Variants in MITF observed in about 807,000 individuals in gnomAD.
MITF encodes microphthalmia-associated transcription factor.
A neutral mutation model predicts 60.5 loss-of-function variants in MITF; 17 were observed. The observed-to-expected ratio is 0.28, with a 90% CI of 0.19 to 0.42. The LOEUF (loss-of-function observed/expected upper bound fraction) is 0.42, where lower values mean the gene tolerates loss of function less well. MITF is among the 10% of genes least tolerant of loss of function. The pLI, the probability that MITF is intolerant of heterozygous loss-of-function variation, is 1.00. For synonymous variants in MITF, 260 were observed against 248.5 expected (o/e 1.05, Z -0.43); for missense variants, 622 against 683.5 (o/e 0.91, Z 1.00).
At position 69,787,033 on chromosome 3, in the gene MITF, C is replaced by T. The variant is rs115130558; in HGVS notation, c.104+47332C>T. Among the ~76,000 whole-genome samples, 1,460 of 152,188 alleles carry T rather than the reference C, an allele frequency of 9.6e-3. 18 individuals carry two copies. Among genetic ancestry groups the T allele is most frequent in the African/African-American group, 0.033 (1,376 of 41,506 alleles). ...CCACTTCGTGATGATAAGATGTCTG[C>T]CAAATACTCCTGGGGCTGCTTATTC... On this transcript the variant is annotated intron_variant, in intron 1 of 9. Coordinates refer to ENST00000352241, the MANE Select transcript of MITF (RefSeq NM_001354604.2).
intron 1 of MITF, among the ~76,000 whole-genome samples, chr3:69,769,305 G>A (rs1246503215): frequency 6.6e-6 from 1 of 151,970 alleles, no homozygotes; most frequent in Non-Finnish European, 1.5e-5. Flanking sequence ...CACACATAGG[G>A]TTTTCATCTT....
At chr3:69,788,106 G>A (rs1354821754) in intron 1 of MITF, among the ~76,000 whole-genome samples, 3 of 150,388 alleles carry the variant, frequency 2.0e-5, no homozygotes, top group Non-Finnish European at 4.5e-5. Flanking sequence ...TCTGGGACCT[G>A]TCTTCTTAAC....
intron 1 of MITF, among the ~76,000 whole-genome samples, chr3:69,749,281 T>A (rs941786457): frequency 3.3e-5 from 5 of 152,228 alleles, no homozygotes; most frequent in African/African-American, 1.2e-4. Flanking sequence ...GGTCAAATTG[T>A]AACATTCCCT....
chr3:69,931,388 G>A (rs747719585), intron 2 of MITF, among the ~76,000 whole-genome samples: 20 of 151,938 alleles, frequency 1.3e-4, no homozygotes, highest in Non-Finnish European at 2.1e-4. Flanking sequence ...TATATATTAG[G>A]GATTTTCTTA....
chr3:69,892,373 A>G (rs1230349106), intron 2 of MITF, among the ~76,000 whole-genome samples: 1 of 152,238 alleles, frequency 6.6e-6, no homozygotes, highest in Non-Finnish European at 1.5e-5. Flanking sequence ...GCCCATGCAT[A>G]TTCACAGCTT....
chr3:69,777,689 C>G (rs1303424149), intron 1 of MITF, among the ~76,000 whole-genome samples: 2 of 152,076 alleles, frequency 1.3e-5, no homozygotes, highest in Non-Finnish European at 2.9e-5. Flanking sequence ...ATTATATGAT[C>G]TAGAAGGACA....
chr3:69,819,780 GGT>G (rs1276848973), intron 1 of MITF, among the ~76,000 whole-genome samples: 1 of 152,050 alleles, frequency 6.6e-6, no homozygotes, highest in Non-Finnish European at 1.5e-5. Flanking sequence ...TGGCCAACAT[GGT>G]GAAACCTCGT....
At chr3:69,782,201 G>A (rs1029503321) in intron 1 of MITF, among the ~76,000 whole-genome samples, 1 of 152,192 alleles carries the variant, frequency 6.6e-6, no homozygotes, top group Non-Finnish European at 1.5e-5. Context: ...TAGAGAGGTT[G>A]TTGTACAGCT....
chr3:69,741,383 C>T (rs888676468), intron 1 of MITF, among the ~76,000 whole-genome samples: 1 of 152,052 alleles, frequency 6.6e-6, no homozygotes, highest in African/African-American at 2.4e-5. Context: ...ATAAATTAAC[C>T]GGACTGTTTG....
intron 1 of MITF, among the ~76,000 whole-genome samples, chr3:69,811,699 T>A (rs1431495013): frequency 6.6e-6 from 1 of 152,228 alleles, no homozygotes; most frequent in Non-Finnish European, 1.5e-5. Context: ...GGAGAGACTT[T>A]GAGTAATGAT....
chr3:69,789,780 C>G (rs2062709455), intron 1 of MITF, among the ~76,000 whole-genome samples: 1 of 152,090 alleles, frequency 6.6e-6, no homozygotes, highest in South Asian at 2.1e-4. Context: ...TGCTTGAACC[C>G]AGGAGGCAGA....
chr3:69,776,427 A>G (rs2062473836), intron 1 of MITF, among the ~76,000 whole-genome samples: 1 of 152,206 alleles, frequency 6.6e-6, no homozygotes, highest in Non-Finnish European at 1.5e-5. Flanking sequence ...GGGTGGGGCC[A>G]TCTTGGGCTG....
chr3:69,740,520 C>T (rs1223846402), intron 1 of MITF, among the ~76,000 whole-genome samples: 1 of 152,140 alleles, frequency 6.6e-6, no homozygotes. Context: ...GATGCCCCAT[C>T]CCCTCTAGTG....
intron 1 of MITF, among the ~76,000 whole-genome samples, chr3:69,793,256 T>G (rs777501575): frequency 2.0e-5 from 3 of 152,182 alleles, no homozygotes; most frequent in Non-Finnish European, 2.9e-5. Context: ...GCTCAAGCAG[T>G]CTGCCTGCTT....
At chr3:69,837,477 T>G (rs1286102143) in intron 1 of MITF, among the ~76,000 whole-genome samples, 1 of 152,244 alleles carries the variant, frequency 6.6e-6, no homozygotes, top group Non-Finnish European at 1.5e-5. Flanking sequence ...GAATAAAAGC[T>G]GAATTATCTG....
At position 69,959,434 on chromosome 3, in the gene MITF, G is replaced by A. The variant is rs370391171; in HGVS notation, c.1179+14G>A. ...CTCAGAATACAGGTACGCAGCCTGAGTTGTGTAAAGTTTACTGCTTTTTAC... is the reference window on the plus strand; with the variant it reads ...CTCAGAATACAGGTACGCAGCCTGAATTGTGTAAAGTTTACTGCTTTTTAC... On this transcript the variant is annotated intron_variant, in intron 9 of 9. Transcript: ENST00000352241. 7 of 1,613,614 alleles carry A rather than the reference G, an allele frequency of 4.3e-6. No individual in the cohort carries two copies. Among genetic ancestry groups the A allele is most frequent in the African/African-American group, 2.7e-5 (2 of 74,930 alleles).
intron 1 of MITF, among the ~76,000 whole-genome samples, chr3:69,814,361 T>C (rs9836493): frequency 0.5 from 76,606 of 151,932 alleles, 20,988 homozygotes; most frequent in Non-Finnish European, 0.63. Context: ...TTTGATCTCA[T>C]TCTGTCACCT....
intron 2 of MITF, among the ~76,000 whole-genome samples, chr3:69,929,221 T>C (rs1464303961): frequency 6.6e-6 from 1 of 152,194 alleles, no homozygotes; most frequent in Non-Finnish European, 1.5e-5. Flanking sequence ...ACTGCTTCAC[T>C]GACGTACCAA....
At chr3:69,781,343 T>C (rs1182271860) in intron 1 of MITF, among the ~76,000 whole-genome samples, 2 of 152,164 alleles carry the variant, frequency 1.3e-5, no homozygotes, top group Non-Finnish European at 2.9e-5. Flanking sequence ...CTTCCAAATG[T>C]TTATTAGCCT....
Sources: gnomAD v4.1 joint callset for allele counts (sites outside exome capture counted in the v4.1 genomes callset) on GRCh38, gnomAD v4.1.1 for gene constraint, MANE v1.5 for transcripts, NCBI Gene and HGNC (gene_info 2026-07-23, HGNC 2026-07-21) for gene names.